The following LRP1B variants were observed in gnomAD, a reference collection of about 807,000 sequenced individuals.
LRP1B encodes low-density lipoprotein receptor-related protein 1B.
In LRP1B, 217 loss-of-function variants were observed where a neutral mutation model predicts 556.6. The ratio of observed to expected loss-of-function variants is 0.39; its 90% confidence interval spans 0.35 to 0.44. LRP1B has a LOEUF of 0.44. Among genes scored for constraint, LRP1B ranks in the 20% least tolerant of loss-of-function variants. The pLI, the probability that LRP1B is intolerant of heterozygous loss-of-function variation, is 1.00. For synonymous variants in LRP1B, 2,047 were observed against 1,865.8 expected (o/e 1.10, Z -2.50); for missense variants, 5,053 against 5,620.8 (o/e 0.90, Z 3.23).
chr2:141,872,780 C>T (rs888556486), intron 1 of LRP1B, among the ~76,000 whole-genome samples: 2 of 151,860 alleles, frequency 1.3e-5, no homozygotes, highest in Non-Finnish European at 2.9e-5. Context: ...ATGTTGGTAT[C>T]ATACTTCTCA....
chr2:140,391,419 G>C (rs371706551), intron 66 of LRP1B, among the ~76,000 whole-genome samples: 46 of 152,084 alleles, frequency 3.0e-4, no homozygotes, highest in African/African-American at 1.0e-3. Context: ...GAAGTATCTG[G>C]GTAGAAGAAA....
chr2:141,978,718 C>G (rs1160576721), intron 1 of LRP1B, among the ~76,000 whole-genome samples: 1 of 151,936 alleles, frequency 6.6e-6, no homozygotes, highest in Non-Finnish European at 1.5e-5. Flanking sequence ...TTGTAAAACT[C>G]TCCTGTCACC....
chr2:140,719,534 C>T (rs1338284880), intron 35 of LRP1B, among the ~76,000 whole-genome samples: 1 of 151,988 alleles, frequency 6.6e-6, no homozygotes, highest in Non-Finnish European at 1.5e-5. Flanking sequence ...ACATCTTGAA[C>T]ATATCTTTGT....
chr2:141,476,219 G>A (rs1426471068), intron 3 of LRP1B, among the ~76,000 whole-genome samples: 1 of 152,150 alleles, frequency 6.6e-6, no homozygotes, highest in Non-Finnish European at 1.5e-5. Flanking sequence ...GGGGAGTCAG[G>A]GAACTCTCCT....
chr2:140,866,106 A>G (rs1237745462), intron 27 of LRP1B, among the ~76,000 whole-genome samples: 1 of 152,170 alleles, frequency 6.6e-6, no homozygotes. Context: ...CAGTTCATTT[A>G]GATTGCACTG....
At chr2:141,539,674 G>T (rs1226378127) in intron 2 of LRP1B, among the ~76,000 whole-genome samples, 4 of 152,082 alleles carry the variant, frequency 2.6e-5, no homozygotes, top group African/African-American at 9.7e-5. Flanking sequence ...AATATTTTAG[G>T]CTTTGAAGAC....
rs573179362 is a variant in LRP1B, at chr2:140,360,002, C to T, written c.11132-1056G>A. On this transcript the variant is annotated intron_variant, in intron 72 of 90. Coordinates refer to ENST00000389484, the MANE Select transcript of LRP1B (RefSeq NM_018557.3). ...CATCTTCTAGCCATCTCACCAGTTA[C>T]AATCAAAATAGTTTAGCTGTTTATG... Among the ~76,000 whole-genome samples the T allele has an allele frequency of 1.5e-4, 23 of 151,652 alleles. No homozygotes were observed. The South Asian group carries it at 3.3e-3, about 22-fold the overall frequency.
intron 59 of LRP1B, among the ~76,000 whole-genome samples, chr2:140,476,182 C>T (rs2105349380): frequency 6.6e-6 from 1 of 151,968 alleles, no homozygotes; most frequent in South Asian, 2.1e-4. Context: ...TGTGTTTTTC[C>T]TCAAAGTAAG....
intron 1 of LRP1B, among the ~76,000 whole-genome samples, chr2:142,075,281 C>T (rs1244328920): frequency 6.6e-6 from 1 of 152,042 alleles, no homozygotes; most frequent in Non-Finnish European, 1.5e-5. Context: ...CAAACTAATA[C>T]ATGAGACAAA....
chr2:140,378,999 T>G (rs559684564), intron 67 of LRP1B, among the ~76,000 whole-genome samples: 24 of 152,334 alleles, frequency 1.6e-4, no homozygotes, highest in African/African-American at 5.8e-4. Context: ...GACTTACTAC[T>G]TGGCTTAATT....
At chr2:141,828,901 G>A (rs1018599460) in intron 1 of LRP1B, among the ~76,000 whole-genome samples, 5 of 151,948 alleles carry the variant, frequency 3.3e-5, no homozygotes, top group African/African-American at 1.2e-4. Context: ...GGAATCAAAT[G>A]GTAAGAGCGT....
At chr2:140,841,184 T>A in intron 29 of LRP1B, 92 bp from the exon 30 acceptor site, 1 of 764,166 alleles carries the variant, frequency 1.3e-6, no homozygotes, top group South Asian at 2.3e-5. Flanking sequence ...AGGGAAAATT[T>A]AATTTATACT....
intron 1 of LRP1B, among the ~76,000 whole-genome samples, chr2:142,091,134 A>C (rs573734628): frequency 6.5e-4 from 99 of 152,118 alleles, no homozygotes; most frequent in Non-Finnish European, 1.2e-3. Flanking sequence ...TTAAGCAAAA[A>C]ACTGAATAAG....
intron 35 of LRP1B, among the ~76,000 whole-genome samples, chr2:140,727,364 C>A (rs2105488961): frequency 6.6e-6 from 1 of 152,272 alleles, no homozygotes; most frequent in Non-Finnish European, 1.5e-5. Flanking sequence ...CTGTGCCTTT[C>A]TTCCCTGAGG....
At chr2:141,566,967 A>G (rs12621499) in intron 2 of LRP1B, among the ~76,000 whole-genome samples, 43,436 of 152,112 alleles carry the variant, frequency 0.29, 6,816 homozygotes, top group East Asian at 0.61. Flanking sequence ...TAGTTCACTA[A>G]GGGTTATCTT....
chr2:141,515,157 C>A (rs1032125909), intron 2 of LRP1B, among the ~76,000 whole-genome samples: 16 of 152,034 alleles, frequency 1.1e-4, no homozygotes, highest in African/African-American at 3.6e-4. Context: ...ACAAAATTAG[C>A]CCAATGTGGT....
chr2:141,622,726 A>G (rs760361690), intron 2 of LRP1B, among the ~76,000 whole-genome samples: 5 of 152,178 alleles, frequency 3.3e-5, no homozygotes, highest in Non-Finnish European at 7.3e-5. Flanking sequence ...GTTGCTAGTA[A>G]CTATCCTATT....
chr2:140,450,729 T>A, intron 62 of LRP1B, 68 bp from the exon 63 acceptor site: 1 of 1,108,866 alleles, frequency 9.0e-7, no homozygotes, highest in Non-Finnish European at 1.3e-6. Flanking sequence ...TAATTTAAAA[T>A]TTGGCAACAC....
At chr2:141,212,820 T>G (rs1424405493) in intron 6 of LRP1B, among the ~76,000 whole-genome samples, 3 of 152,170 alleles carry the variant, frequency 2.0e-5, no homozygotes, top group African/African-American at 7.2e-5. Context: ...TGATTCGTTC[T>G]TGGAAACTAC....
Sources: allele counts gnomAD v4.1 joint callset (sites outside exome capture counted in the v4.1 genomes callset), GRCh38; gene constraint gnomAD v4.1.1; transcripts MANE v1.5; gene names NCBI Gene and HGNC (gene_info 2026-07-23, HGNC 2026-07-21).